TET1: variants seen among roughly 807,000 people sequenced by gnomAD.
The protein encoded by TET1 is tet methylcytosine dioxygenase 1, also known as methylcytosine dioxygenase TET1.
TET1 carries 13 observed loss-of-function variants against 148.7 expected under a neutral mutation model. The observed-to-expected ratio is 0.09, with a 90% CI of 0.06 to 0.14. The LOEUF (loss-of-function observed/expected upper bound fraction) is 0.14, where lower values mean the gene tolerates loss of function less well. TET1 is among the 10% of genes least tolerant of loss of function. The probability of loss-of-function intolerance (pLI) is 1.00; values close to 1 mark genes in which losing one functional copy is unlikely to be tolerated. For synonymous variants in TET1, 907 were observed against 937.2 expected, an observed-to-expected ratio of 0.97 and a Z score of 0.59; for missense variants, 2,182 against 2,553.8, an observed-to-expected ratio of 0.85 and a Z score of 3.14.
chr10:68,629,200 A>G (rs1200476645), intron 3 of TET1, among the ~76,000 whole-genome samples: 2 of 151,940 alleles, frequency 1.3e-5, no homozygotes, highest in African/African-American at 4.8e-5. Context: ...CCCTGTCTCT[A>G]CTAAAAATGT....
rs1464062021 is a variant in TET1 at position 68,691,634 on chromosome 10, A to C, written c.6231A>C (p.Lys2077Asn). 2 of 1,614,168 alleles carry C rather than the reference A, an allele frequency of 1.2e-6. No individual in the cohort carries two copies. The highest frequency in any genetic ancestry group is 1.7e-6 in the Non-Finnish European group (2 of 1,180,036). Residue 2077 changes from lysine (K) to asparagine (N), a missense_variant, in exon 12 of 12, where the codon AAA becomes AAC. This residue lies in a region of TET1 where 54 missense variants were observed against 44.4 expected (regional missense o/e 1.22). Transcript: ENST00000373644. The surrounding 1 kb of genome is among the most constrained non-coding windows in gnomAD (Gnocchi z 4.4). ...AGGCTAAAGAAGCTAAGAATAAGAA[A>C]ATGAAGGCCTCAGAGCAAAAAGACC... ...KFEAKEAKNKKMKASEQKDQA... is the reference protein window; with the variant it reads ...KFEAKEAKNKNMKASEQKDQA...
chr10:68,627,953 A>G (rs543528322), intron 3 of TET1, among the ~76,000 whole-genome samples: 1 of 151,934 alleles, frequency 6.6e-6, no homozygotes, highest in Admixed American at 6.6e-5. Flanking sequence ...AAGAAGAAAG[A>G]AAGCACTGCC....
intron 9 of TET1, among the ~76,000 whole-genome samples, chr10:68,682,608 C>T (rs1329070580): frequency 6.6e-6 from 1 of 152,082 alleles, no homozygotes; most frequent in Non-Finnish European, 1.5e-5. Flanking sequence ...GTATCCTCAC[C>T]CTGCCTTCCC....
At chr10:68,628,866 C>A (rs1393950016) in intron 3 of TET1, among the ~76,000 whole-genome samples, 1 of 152,110 alleles carries the variant, frequency 6.6e-6, no homozygotes, top group Non-Finnish European at 1.5e-5. Flanking sequence ...AGAATGCAGC[C>A]TGAAGGAATG....
At position 68,681,493 on chromosome 10, in the gene TET1, G is replaced by A; in HGVS notation, c.4914+5G>A. ...CCAGTAGCTTACCAAAATCAGGTAT[G>A]TATTGGTATGAACTTTTTATTTATT... On this transcript the variant is annotated splice_donor_5th_base_variant and intron_variant, in intron 9 of 11. Transcript: ENST00000373644. 1 of 1,589,952 alleles carries A rather than the reference G, an allele frequency of 6.3e-7. No homozygotes were observed. The highest frequency in any genetic ancestry group is 8.6e-7 in the Non-Finnish European group (1 of 1,160,368).
intron 1 of TET1, among the ~76,000 whole-genome samples, chr10:68,561,212 G>A (rs2053549160): frequency 6.6e-6 from 1 of 152,148 alleles, no homozygotes; most frequent in Non-Finnish European, 1.5e-5. Context: ...GGGAGTCCGG[G>A]CTGTCCCGTG....
intron 7 of TET1, 53 bp from the exon 8 acceptor site, chr10:68,672,842 C>T: frequency 6.6e-7 from 1 of 1,525,064 alleles, no homozygotes; most frequent in Non-Finnish European, 8.9e-7. Context: ...AATGTTCTCT[C>T]TGAGGTATTG....
intron 2 of TET1, among the ~76,000 whole-genome samples, chr10:68,591,861 C>T (rs1469286120): frequency 6.6e-6 from 1 of 151,760 alleles, no homozygotes; most frequent in Admixed American, 6.6e-5. Context: ...GCCGAGATTA[C>T]ACCACTGCAC....
chr10:68,639,877 A>C (rs1297346502), intron 3 of TET1, among the ~76,000 whole-genome samples: 1 of 152,180 alleles, frequency 6.6e-6, no homozygotes, highest in Non-Finnish European at 1.5e-5. Flanking sequence ...AAAAGTACCA[A>C]GTCAAAAAAT....
intron 2 of TET1, among the ~76,000 whole-genome samples, chr10:68,596,761 A>G (rs935523587): frequency 6.6e-6 from 1 of 152,200 alleles, no homozygotes; most frequent in African/African-American, 2.4e-5. Flanking sequence ...TTCTGATCAC[A>G]TTCATTAACT....
At chr10:68,690,672 C>A in intron 11 of TET1, 136 bp from the exon 12 acceptor site, 2 of 702,992 alleles carry the variant, frequency 2.8e-6, no homozygotes, top group Middle Eastern at 3.6e-4. Context: ...TTGAAATGAA[C>A]AGAACAAAAC....
At chr10:68,666,013 G>A (rs922550212) in intron 6 of TET1, among the ~76,000 whole-genome samples, 1 of 152,014 alleles carries the variant, frequency 6.6e-6, no homozygotes, top group African/African-American at 2.4e-5. Flanking sequence ...TCATGTCCTG[G>A]TTATGTACTG....
intron 3 of TET1, among the ~76,000 whole-genome samples, chr10:68,611,807 C>T (rs967157139): frequency 2.2e-5 from 3 of 134,644 alleles, no homozygotes; most frequent in African/African-American, 8.3e-5. Context: ...TCAAGTGATT[C>T]TCCTGCCTCA....
At chr10:68,583,243 G>A (rs1466446106) in intron 2 of TET1, among the ~76,000 whole-genome samples, 3 of 152,120 alleles carry the variant, frequency 2.0e-5, no homozygotes, top group Non-Finnish European at 2.9e-5. Context: ...GGTATTTCAA[G>A]AATTGACTAT....
At chr10:68,634,042 A>G (rs1397945739) in intron 3 of TET1, among the ~76,000 whole-genome samples, 1 of 151,856 alleles carries the variant, frequency 6.6e-6, no homozygotes, top group Admixed American at 6.6e-5. Flanking sequence ...GCACCACTAC[A>G]CCTGGCTGAT....
At chr10:68,589,359 T>C (rs7894063) in intron 2 of TET1, among the ~76,000 whole-genome samples, 45,179 of 152,094 alleles carry the variant, frequency 0.3, 7,842 homozygotes, top group Middle Eastern at 0.43. Context: ...TTAATAAGTG[T>C]AAGGTTATAT....
Position 68,572,992 on chromosome 10 carries a change from G to A in TET1, c.654G>A (p.Leu218=). 6.2e-7 allele frequency: 1 copy of A among 1,614,120 alleles called. No homozygotes were observed. The highest frequency in any genetic ancestry group is 2.2e-5 in the East Asian group (1 of 44,878). The part of the protein sequence containing the change: ...GPAAEILPGP[L]EGTRCGEGLF... ...CAGCTGAGATCCTTCCTGGGCCACT[G>A]GAAGGGACACGCTGTGGTGAAGGAC... is the stretch of plus-strand genomic sequence containing the variant. The change falls in exon 2 of 12, where the codon CTG becomes CTA. Residue 218 remains leucine, a synonymous_variant. Coordinates refer to ENST00000373644, the MANE Select transcript of TET1 (RefSeq NM_030625.3).
intron 2 of TET1, among the ~76,000 whole-genome samples, chr10:68,582,755 A>T (rs1047143931): frequency 6.6e-6 from 1 of 152,182 alleles, no homozygotes; most frequent in Non-Finnish European, 1.5e-5. Flanking sequence ...TACATATGGC[A>T]TATGGAACAA....
intron 3 of TET1, among the ~76,000 whole-genome samples, chr10:68,605,782 TGG>T (rs2054115386): frequency 6.6e-6 from 1 of 152,232 alleles, no homozygotes; most frequent in Non-Finnish European, 1.5e-5. Context: ...CCCAAAATGC[TGG>T]GATTACAGGT....
Sources: gnomAD v4.1 joint callset for allele counts (sites outside exome capture counted in the v4.1 genomes callset) on GRCh38, gnomAD v4.1.1 for gene constraint, gnomAD v4.1.1 regional missense constraint, Gnocchi (gnomAD v3.1) non-coding constraint, MANE v1.5 for transcripts, NCBI Gene and HGNC (gene_info 2026-07-23, HGNC 2026-07-21) for gene names.